The following GRM1 variants were observed in gnomAD, a reference collection of about 807,000 sequenced individuals.
GRM1 encodes the protein metabotropic glutamate receptor 1.
A neutral mutation model predicts 90.9 loss-of-function variants in GRM1; 33 were observed. That is an observed-to-expected ratio of 0.36 (90% CI 0.28 to 0.49). GRM1 has a LOEUF of 0.49. Among genes scored for constraint, GRM1 ranks in the 20% least tolerant of loss-of-function variants. The probability of loss-of-function intolerance (pLI) is 0.99; values close to 1 mark genes in which losing one functional copy is unlikely to be tolerated. For missense variants in GRM1, 1,190 were observed against 1,534.3 expected (o/e 0.78, Z 3.75); for synonymous variants, 700 against 613.2 (o/e 1.14, Z -2.09).
chr6:146,274,852 C>T (rs1309757326), intron 2 of GRM1, among the ~76,000 whole-genome samples: 1 of 151,984 alleles, frequency 6.6e-6, no homozygotes, highest in Non-Finnish European at 1.5e-5. Flanking sequence ...AGTTAATGTC[C>T]AGACAGAAGA....
chr6:146,412,084 G>T (rs947886090), intron 7 of GRM1, among the ~76,000 whole-genome samples: 4 of 152,090 alleles, frequency 2.6e-5, no homozygotes, highest in African/African-American at 9.7e-5. Flanking sequence ...CCCTCCTTCT[G>T]CCTCCCTGTG....
At chr6:146,054,953 G>A (rs562076993) in intron 1 of GRM1, among the ~76,000 whole-genome samples, 1 of 151,986 alleles carries the variant, frequency 6.6e-6, no homozygotes, top group South Asian at 2.1e-4. Context: ...ATGGGTGCGG[G>A]TAATAATTGG....
intron 3 of GRM1, among the ~76,000 whole-genome samples, chr6:146,349,510 T>G (rs1213656705): frequency 6.6e-6 from 1 of 152,320 alleles, no homozygotes; most frequent in South Asian, 2.1e-4. Flanking sequence ...TGAGGTCTAC[T>G]CTAACCAATC....
At chr6:146,127,006 A>G (rs920985695) in intron 1 of GRM1, among the ~76,000 whole-genome samples, 15 of 152,308 alleles carry the variant, frequency 9.8e-5, no homozygotes, top group South Asian at 2.1e-4. Context: ...GTAATAAAAA[A>G]ATATTTCCAC....
chr6:146,126,109 T>C (rs1047770165), intron 1 of GRM1, among the ~76,000 whole-genome samples: 6 of 152,130 alleles, frequency 3.9e-5, no homozygotes, highest in Non-Finnish European at 8.8e-5. Context: ...GGGAGGCATC[T>C]TATACCAACA....
chr6:146,051,808 C>G (rs966779752), intron 1 of GRM1, among the ~76,000 whole-genome samples: 2 of 152,058 alleles, frequency 1.3e-5, no homozygotes, highest in Admixed American at 1.3e-4. Flanking sequence ...ATCATCATCA[C>G]TACTGTTTCC....
chr6:146,143,313 A>G (rs1358545812), intron 1 of GRM1, among the ~76,000 whole-genome samples: 1 of 152,196 alleles, frequency 6.6e-6, no homozygotes, highest in Non-Finnish European at 1.5e-5. Context: ...TGTAAAAGAT[A>G]TATAAAATGT....
intron 3 of GRM1, among the ~76,000 whole-genome samples, chr6:146,340,728 T>C (rs1784943373): frequency 6.6e-6 from 1 of 152,014 alleles, no homozygotes; most frequent in Non-Finnish European, 1.5e-5. Flanking sequence ...GTATATTTAT[T>C]AGAGACAGGG....
chr6:146,181,476 G>A (rs966635240), intron 2 of GRM1, among the ~76,000 whole-genome samples: 2 of 152,034 alleles, frequency 1.3e-5, no homozygotes, highest in Non-Finnish European at 1.5e-5. Context: ...GAAGATCAAG[G>A]TCCTTAACTC....
chr6:146,035,610 G>A (rs56276982), intron 1 of GRM1, among the ~76,000 whole-genome samples: 15,847 of 151,902 alleles, frequency 0.1, 1,156 homozygotes, highest in Non-Finnish European at 0.16. Context: ...TTTAAAGACA[G>A]TGCTCAATTT....
In GRM1 at chr6:146,117,583, C is replaced by T. The variant is rs1403571677; in HGVS notation, c.701-41765C>T. ...TTTTTGCACTTTCATTTTATGACTTCTTTTTTTTGTTTATTTTTACTTATT... is the reference window on the plus strand; with the variant it reads ...TTTTTGCACTTTCATTTTATGACTTTTTTTTTTTGTTTATTTTTACTTATT... On this transcript the variant is annotated intron_variant, in intron 1 of 7. Transcript: ENST00000282753. Among the ~76,000 whole-genome samples the T allele has an allele frequency of 2.0e-5, 3 of 151,610 alleles. No homozygotes were observed. In the East Asian group the frequency reaches 5.8e-4, roughly 29 times the overall value.
At position 146,364,407 on chromosome 6, in the gene GRM1, A is replaced by T. The variant is rs528129396; in HGVS notation, c.1602+6713A>T. 3.3e-5 allele frequency among the ~76,000 whole-genome samples: 5 copies of T among 152,296 alleles called. No individual in the cohort carries two copies. In the South Asian group the frequency reaches 1.0e-3, roughly 32 times the overall value. On this transcript the variant is annotated intron_variant, in intron 5 of 7. Coordinates refer to ENST00000282753, the MANE Select transcript of GRM1 (RefSeq NM_001278064.2). ...TCCTATTCTGCAAACAATCATCACT[A>T]TCTGATTACTACCTGATTGGCACTG...
At chr6:146,154,774 T>A (rs565554643) in intron 1 of GRM1, among the ~76,000 whole-genome samples, 106 of 152,308 alleles carry the variant, frequency 7.0e-4, no homozygotes, top group Admixed American at 2.8e-3. Flanking sequence ...TCTTAAAAAA[T>A]TTTGAAAACT....
intron 2 of GRM1, among the ~76,000 whole-genome samples, chr6:146,189,990 G>A (rs1408646556): frequency 2.6e-5 from 4 of 152,198 alleles, no homozygotes; most frequent in Non-Finnish European, 4.4e-5. Flanking sequence ...AAAGATGGGA[G>A]GGCAGGAATG....
intron 3 of GRM1, among the ~76,000 whole-genome samples, chr6:146,315,384 C>A (rs1229548375): frequency 6.6e-6 from 1 of 151,932 alleles, no homozygotes; most frequent in Non-Finnish European, 1.5e-5. Flanking sequence ...GAGAATCTGC[C>A]TCTTAAAAAT....
chr6:146,252,018 G>T (rs1781304697), intron 2 of GRM1, among the ~76,000 whole-genome samples: 1 of 152,038 alleles, frequency 6.6e-6, no homozygotes, highest in Non-Finnish European at 1.5e-5. Context: ...GTAACCCTCT[G>T]TCCTGACACT....
intron 2 of GRM1, among the ~76,000 whole-genome samples, chr6:146,232,665 G>C (rs1392927386): frequency 6.6e-6 from 1 of 151,776 alleles, no homozygotes; most frequent in Non-Finnish European, 1.5e-5. Flanking sequence ...ATCCCCACCT[G>C]CCCTCCAGCC....
At chr6:146,274,277 T>C (rs376462945) in intron 2 of GRM1, among the ~76,000 whole-genome samples, 9 of 152,320 alleles carry the variant, frequency 5.9e-5, no homozygotes, top group African/African-American at 7.2e-5. Context: ...TCAATTCAAT[T>C]AACATAATTT....
chr6:146,076,434 C>G (rs912314648), intron 1 of GRM1, among the ~76,000 whole-genome samples: 3 of 152,032 alleles, frequency 2.0e-5, no homozygotes, highest in African/African-American at 7.2e-5. Flanking sequence ...ATGATGTGGG[C>G]TTGGGTCAGG....
Sources: gnomAD v4.1 joint callset for allele counts (sites outside exome capture counted in the v4.1 genomes callset) on GRCh38, gnomAD v4.1.1 for gene constraint, MANE v1.5 for transcripts, NCBI Gene and HGNC (gene_info 2026-07-23, HGNC 2026-07-21) for gene names.